GPR50: variants seen among roughly 807,000 people sequenced by gnomAD.
GPR50 encodes the protein melatonin-related receptor.
Under a neutral mutation model 2.6 loss-of-function variants are expected in GPR50, and 1 was observed. The ratio of observed to expected loss-of-function variants is 0.38; its 90% confidence interval spans 0.13 to 1.79. GPR50 has a LOEUF of 1.79. Ranked by LOEUF, GPR50 falls within the 40% of genes most tolerant of loss-of-function variation. The pLI, the probability that GPR50 is intolerant of heterozygous loss-of-function variation, is 0.33. For synonymous variants in GPR50, 233 were observed against 202.3 expected (o/e 1.15, Z -1.29); for missense variants, 535 against 522.1 (o/e 1.02, Z -0.24).
At chrX:151,179,723 ATTC>A in intron 1 of GPR50, 45 bp from the exon 2 acceptor site, 2 of 903,671 alleles carry the variant, frequency 2.2e-6, no homozygotes, top group Non-Finnish European at 3.0e-6. Flanking sequence ...TAAACCACTT[ATTC>A]TTCTCTGTCT....
At chrX:151,182,179 G>A (rs1174300989), downstream of GPR50, among the ~76,000 whole-genome samples, 1 of 111,948 alleles carries the variant, frequency 8.9e-6, no homozygotes, top group Non-Finnish European at 1.9e-5. Context: ...AAACATGGTT[G>A]CAAATGATAA....
chrX:151,178,907 T>C (rs898599596), intron 1 of GPR50, among the ~76,000 whole-genome samples: 2 of 112,202 alleles, frequency 1.8e-5, no homozygotes, highest in Admixed American at 9.4e-5. Context: ...ACCTGAAGGC[T>C]CCAGTAAAGT....
At chrX:151,178,081 A>G (rs1483341890) in intron 1 of GPR50, among the ~76,000 whole-genome samples, 3 of 108,834 alleles carry the variant, frequency 2.8e-5, no homozygotes, top group Non-Finnish European at 5.7e-5. Context: ...GGCGCCTGGA[A>G]TTTCCACCGC....
Position 151,180,322 on chromosome X carries a change from G to T in GPR50, c.739G>T (p.Ala247Ser). The T allele has an allele frequency of 1.7e-6, 2 of 1,209,393 alleles. No homozygotes were observed. The highest frequency in any genetic ancestry group is 5.9e-5 in the East Asian group (2 of 33,799). Residue 247 changes from alanine to serine, a missense_variant, in exon 2 of 2, where the codon GCA becomes TCA. By Grantham distance (99) the Ala-to-Ser change is moderately conservative. Coordinates refer to ENST00000218316, the MANE Select transcript of GPR50 (RefSeq NM_004224.3). ...CATGTTTGTGATCTTCCTCCTCTTT[G>T]CAGTGTGCTGGTGCCCTATCAACGT... ...LTMFVIFLLF[A>S]VCWCPINVLT...
At chrX:151,177,265 C>T (rs2048685242) in intron 1 of GPR50, 1 of 148,420 alleles carries the variant, frequency 6.7e-6, no homozygotes, top group Non-Finnish European at 1.3e-5. Flanking sequence ...GAGCCGGACG[C>T]CGCAAGGGCG....
Position 151,181,443 on chromosome X carries a change from G to A in GPR50, c.*6G>A. 8.7e-7 allele frequency: 1 copy of A among 1,155,932 alleles called. No individual in the cohort carries two copies. The highest frequency in any genetic ancestry group is 1.2e-6 in the Non-Finnish European group (1 of 862,698). ...CTGATGAAATGGCTGTGTGAAAAAT[G>A]CTCTCGTAGGTGGCCAGGCAGTGGT... On this transcript the variant is annotated 3_prime_UTR_variant, in exon 2 of 2. Transcript: ENST00000218316.
chrX:151,180,325 G>T lies in GPR50; in HGVS notation c.742G>T (p.Val248Leu), dbSNP rs1268568172. 5.0e-6 allele frequency: 6 copies of T among 1,209,958 alleles called. No homozygotes were observed. The highest frequency in any genetic ancestry group is 6.7e-6 in the Non-Finnish European group (6 of 894,707). ...TMFVIFLLFAVCWCPINVLTV... is the reference protein window; with the variant it reads ...TMFVIFLLFALCWCPINVLTV... Reference sequence around the variant, plus strand: ...GTTTGTGATCTTCCTCCTCTTTGCAGTGTGCTGGTGCCCTATCAACGTGCT... The same window carrying T: ...GTTTGTGATCTTCCTCCTCTTTGCATTGTGCTGGTGCCCTATCAACGTGCT... The change falls in exon 2 of 2, where the codon GTG becomes TTG. Residue 248 changes from valine (V) to leucine (L), a missense_variant. Coordinates refer to ENST00000218316, the MANE Select transcript of GPR50 (RefSeq NM_004224.3).
At chrX:151,179,711 C>G in intron 1 of GPR50, 60 bp from the exon 2 acceptor site, 1 of 814,186 alleles carries the variant, frequency 1.2e-6, no homozygotes, top group Non-Finnish European at 1.7e-6. Context: ...GATTTCTGTA[C>G]TTAAACCACT....
chrX:151,176,821 GC>G lies in GPR50; in HGVS notation c.101del (p.Ala34GlyfsTer8). ...GGCTCTAATCATCTTTATGTTCTGC[GC>G]GATGGTTATCACCATCGTTGTAGAC... ...PPALIIFMFC[A>X]MVITIVVDLI... On this transcript the variant is annotated frameshift_variant, in exon 1 of 2. Coordinates refer to ENST00000218316, the MANE Select transcript of GPR50 (RefSeq NM_004224.3). LOFTEE classifies it high-confidence loss of function. The G allele has an allele frequency of 8.3e-7, 1 of 1,201,471 alleles. No homozygotes were observed. The highest frequency in any genetic ancestry group is 1.1e-6 in the Non-Finnish European group (1 of 886,624).
Position 151,179,814 on chromosome X carries a change from G to A in GPR50, c.231G>A (p.Val77=). 8.4e-7 allele frequency: 1 copy of A among 1,194,899 alleles called. No homozygotes were observed. The highest frequency in any genetic ancestry group is 1.1e-6 in the Non-Finnish European group (1 of 884,778). The part of the protein sequence containing the change: ...VVSLSVADML[V]AIYPYPLMLH... ...GTCTCTCTGTGGCCGATATGCTGGT[G>A]GCCATCTACCCATACCCTTTGATGC... The change falls in exon 2 of 2, where the codon GTG becomes GTA. Residue 77 remains valine (V), a synonymous_variant. Transcript: ENST00000218316.
Position 151,181,462 on chromosome X carries a change from C to T in GPR50, c.*25C>T. The T allele has an allele frequency of 9.2e-7, 1 of 1,090,185 alleles. No homozygotes were observed. The highest frequency in any genetic ancestry group is 2.0e-5 in the South Asian group (1 of 49,129). 89.8% of individuals were successfully genotyped at this position (1,090,185 alleles called of 1,213,427 possible). A position where few individuals can be genotyped will look rare whatever the true frequency, so the allele number is the denominator to read the frequency against. On this transcript the variant is annotated 3_prime_UTR_variant, in exon 2 of 2. Coordinates refer to ENST00000218316, the MANE Select transcript of GPR50 (RefSeq NM_004224.3). ...AAAAATGCTCTCGTAGGTGGCCAGG[C>T]AGTGGTCCCCTTTCTAGTTTGTTTT...
rs747281118 is a variant in GPR50, at chrX:151,176,872, T to C, written c.151T>C (p.Leu51=). ...CCTAATCGGCAACTCCATGGTCATT[T>C]TGGCTGTGACGAAGAACAAGAAGCT... ...VDLIGNSMVI[L]AVTKNKKLRN... Residue 51 remains leucine, a synonymous_variant, in exon 1 of 2, where the codon TTG becomes CTG. Transcript: ENST00000218316. The C allele has an allele frequency of 4.1e-6, 5 of 1,205,977 alleles. No homozygotes were observed. Among genetic ancestry groups the C allele is most frequent in the African/African-American group, 1.8e-5 (1 of 56,860 alleles).
downstream of GPR50, chrX:151,182,261 G>T (rs1034207260): frequency 9.0e-6 from 1 of 111,219 alleles, no homozygotes; most frequent in African/African-American, 3.3e-5. Context: ...TTTAGTTCCA[G>T]AGAAATAAAT....
chrX:151,180,776 A>G lies in GPR50; in HGVS notation c.1193A>G (p.Lys398Arg), dbSNP rs906180998. The G allele has an allele frequency of 8.3e-7, 1 of 1,209,804 alleles. No homozygotes were observed. The highest frequency in any genetic ancestry group is 1.7e-5 in the African/African-American group (1 of 57,195). ...TCCAGATCCTCCTCTGCCTATCGCA[A>G]ATCTGCCTCTACCCACCACAAGTCT... ...PHSRSSSAYR[K>R]SASTHHKSVF... The change falls in exon 2 of 2, where the codon AAA becomes AGA. Residue 398 changes from lysine to arginine, a missense_variant. By Grantham distance (26) the Lys-to-Arg change is conservative. Coordinates refer to ENST00000218316, the MANE Select transcript of GPR50 (RefSeq NM_004224.3).
chrX:151,180,349 C>T lies in GPR50; in HGVS notation c.766C>T (p.Leu256Phe), dbSNP rs1241914898. The change falls in exon 2 of 2, where the codon CTC becomes TTC. Residue 256 changes from leucine to phenylalanine, a missense_variant. Physicochemically the swap from Leu to Phe is conservative, Grantham distance 22. Coordinates refer to ENST00000218316, the MANE Select transcript of GPR50 (RefSeq NM_004224.3). ...AGTGTGCTGGTGCCCTATCAACGTGCTCACTGTCTTGGTGGCTGTCAGTCC... is the reference window on the plus strand; with the variant it reads ...AGTGTGCTGGTGCCCTATCAACGTGTTCACTGTCTTGGTGGCTGTCAGTCC... ...FAVCWCPINV[L>F]TVLVAVSPKE... 10 of 1,207,975 alleles carry T rather than the reference C, an allele frequency of 8.3e-6. No homozygotes were observed. Among genetic ancestry groups the T allele is most frequent in the South Asian group, 1.8e-5 (1 of 56,581 alleles).
intron 1 of GPR50, 45 bp from the exon 2 acceptor site, chrX:151,179,726 C>A (rs1339707243): frequency 6.5e-6 from 6 of 916,362 alleles, no homozygotes; most frequent in Non-Finnish European, 7.5e-6. Context: ...ACCACTTATT[C>A]TTCTCTGTCT....
At chrX:151,182,148 A>G (rs936282189), downstream of GPR50, among the ~76,000 whole-genome samples, 1 of 112,513 alleles carries the variant, frequency 8.9e-6, no homozygotes, top group African/African-American at 3.2e-5. Flanking sequence ...GAAAATTTGA[A>G]CATTGGTGCT....
chrX:151,181,111 A>T lies in GPR50; in HGVS notation c.1528A>T (p.Thr510Ser). ...CACCACTGGCCACATCAAGCCAGCTACCAGCCATGCTGAGCCCACCACTGC... is the reference window on the plus strand; with the variant it reads ...CACCACTGGCCACATCAAGCCAGCTTCCAGCCATGCTGAGCCCACCACTGC... ...KPTTGHIKPA[T>S]SHAEPTTADY... Residue 510 changes from threonine to serine, a missense_variant, in exon 2 of 2, where the codon ACC (threonine) becomes TCC (serine). Physicochemically the swap from Thr to Ser is moderately conservative, Grantham distance 58. Coordinates refer to ENST00000218316, the MANE Select transcript of GPR50 (RefSeq NM_004224.3). The T allele has an allele frequency of 8.3e-7, 1 of 1,208,572 alleles. No homozygotes were observed. Among genetic ancestry groups the T allele is most frequent in the Non-Finnish European group, 1.1e-6 (1 of 893,668 alleles).
chrX:151,179,889 G>A lies in GPR50; in HGVS notation c.306G>A (p.Gln102=). ...GGGATCTGAGCCAGTTACAGTGCCA[G>A]ATGGTCGGGTTCATCACAGGGCTGA... is the stretch of plus-strand genomic sequence containing the variant. ...GGWDLSQLQC[Q]MVGFITGLSV... is the part of the protein sequence containing the mutation. The change falls in exon 2 of 2, where the codon CAG becomes CAA. Residue 102 remains glutamine (Q), a synonymous_variant. Coordinates refer to ENST00000218316, the MANE Select transcript of GPR50 (RefSeq NM_004224.3). 1.7e-6 allele frequency: 2 copies of A among 1,211,347 alleles called. No individual in the cohort carries two copies. The highest frequency in any genetic ancestry group is 2.2e-6 in the Non-Finnish European group (2 of 895,265).
Sources: gnomAD v4.1 joint callset for allele counts (sites outside exome capture counted in the v4.1 genomes callset) on GRCh38, gnomAD v4.1.1 for gene constraint, MANE v1.5 for transcripts, NCBI Gene and HGNC (gene_info 2026-07-23, HGNC 2026-07-21) for gene names.